IL1RAPL2: variants seen among roughly 807,000 people sequenced by gnomAD.
The protein encoded by IL1RAPL2 is interleukin 1 receptor accessory protein like 2.
In IL1RAPL2, 3 loss-of-function variants were observed where a neutral mutation model predicts 44.1. That is an observed-to-expected ratio of 0.07 (90% confidence interval 0.03 to 0.18). The LOEUF is 0.18. IL1RAPL2 is among the 10% of genes least tolerant of loss of function. IL1RAPL2 has a pLI of 1.00. For missense variants in IL1RAPL2, 391 were observed against 496.4 expected, an observed-to-expected ratio of 0.79 and a Z score of 2.02; for synonymous variants, 181 against 178.8, an observed-to-expected ratio of 1.01 and a Z score of -0.10.
intron 4 of IL1RAPL2, 93 bp downstream of exon 4, chrX:105,234,097 T>C (rs1162570531): frequency 1.5e-6 from 1 of 670,224 alleles, no homozygotes; most frequent in African/African-American, 2.2e-5. Context: ...GTTTTTGGTA[T>C]TAGATATTTC....
At chrX:104,574,436 T>C (rs1293750527) in intron 1 of IL1RAPL2, among the ~76,000 whole-genome samples, 1 of 111,231 alleles carries the variant, frequency 9.0e-6, no homozygotes, top group Admixed American at 9.5e-5. Context: ...TTGGCAAACC[T>C]GTGAGGATAT....
At chrX:105,259,135 G>T (rs923594544) in intron 4 of IL1RAPL2, among the ~76,000 whole-genome samples, 1 of 111,892 alleles carries the variant, frequency 8.9e-6, no homozygotes, top group African/African-American at 3.2e-5. Context: ...GAGGCTTTGT[G>T]CATGGTCTTT....
intron 2 of IL1RAPL2, among the ~76,000 whole-genome samples, chrX:105,115,553 GAC>G (rs1447983135): frequency 8.9e-6 from 1 of 112,168 alleles, no homozygotes; most frequent in African/African-American, 3.2e-5. Context: ...CCCTGAGCTA[GAC>G]ACAGAGTGCT....
intron 2 of IL1RAPL2, among the ~76,000 whole-genome samples, chrX:104,839,548 C>CT (rs1389529866): frequency 1.8e-5 from 2 of 111,589 alleles, no homozygotes; most frequent in Non-Finnish European, 3.8e-5. Context: ...CTGAAATTTT[C>CT]TTTTTTTGTT....
At chrX:104,957,061 C>T (rs753973676) in intron 2 of IL1RAPL2, among the ~76,000 whole-genome samples, 2 of 112,163 alleles carry the variant, frequency 1.8e-5, no homozygotes, top group East Asian at 5.6e-4. Context: ...GTTATAATTT[C>T]CCCTTCTTGC....
chrX:104,964,308 A>ATTTATTTAT (rs2030072800), intron 2 of IL1RAPL2, among the ~76,000 whole-genome samples: 1 of 81,446 alleles, frequency 1.2e-5, no homozygotes, highest in South Asian at 5.4e-4. Context: ...TTATTTATTT[A>ATTTATTTAT]TTTATTTATT....
At chrX:105,231,244 C>T (rs1556195288) in intron 3 of IL1RAPL2, among the ~76,000 whole-genome samples, 1 of 112,041 alleles carries the variant, frequency 8.9e-6, no homozygotes, top group African/African-American at 3.2e-5. Flanking sequence ...CTGCCCCTGC[C>T]GGTCATTCTT....
At chrX:104,862,902 G>C (rs1488961477) in intron 2 of IL1RAPL2, among the ~76,000 whole-genome samples, 1 of 111,231 alleles carries the variant, frequency 9.0e-6, no homozygotes, top group African/African-American at 3.3e-5. Context: ...ATTATTCTAG[G>C]AGCATTGTGG....
intron 5 of IL1RAPL2, among the ~76,000 whole-genome samples, chrX:105,403,390 T>G (rs1357734136): frequency 9.0e-6 from 1 of 111,352 alleles, no homozygotes; most frequent in Non-Finnish European, 1.9e-5. Flanking sequence ...ATTATTTTTT[T>G]TCTAAAGTAT....
chrX:105,236,413 C>T (rs2034120303), intron 4 of IL1RAPL2, among the ~76,000 whole-genome samples: 1 of 112,288 alleles, frequency 8.9e-6, no homozygotes, highest in African/African-American at 3.2e-5. Flanking sequence ...TGTTAGCTAA[C>T]ATTTCCTAAG....
At chrX:104,733,374 C>T (rs1931957615) in intron 2 of IL1RAPL2, among the ~76,000 whole-genome samples, 1 of 110,484 alleles carries the variant, frequency 9.1e-6, no homozygotes, top group Admixed American at 9.7e-5. Context: ...GGCGGATTGC[C>T]TGAGGTTAGG....
chrX:105,686,164 G>A (rs2037971871), intron 6 of IL1RAPL2, among the ~76,000 whole-genome samples: 1 of 110,113 alleles, frequency 9.1e-6, no homozygotes, highest in Non-Finnish European at 1.9e-5. Flanking sequence ...AAAATAACCA[G>A]CAAACATCAT....
At chrX:105,181,850 G>A (rs1253539563) in intron 2 of IL1RAPL2, among the ~76,000 whole-genome samples, 1 of 110,121 alleles carries the variant, frequency 9.1e-6, no homozygotes, top group African/African-American at 3.3e-5. Context: ...GGATCACGAG[G>A]TCAGGAGATG....
intron 2 of IL1RAPL2, among the ~76,000 whole-genome samples, chrX:104,866,603 A>T (rs972419798): frequency 7.1e-5 from 8 of 112,124 alleles, no homozygotes; most frequent in Non-Finnish European, 1.3e-4. Flanking sequence ...GGAAAGCCTA[A>T]AATATTTTCT....
At chrX:105,643,612 G>GA (rs2147840181) in intron 6 of IL1RAPL2, among the ~76,000 whole-genome samples, 1 of 112,197 alleles carries the variant, frequency 8.9e-6, no homozygotes, top group Non-Finnish European at 1.9e-5. Flanking sequence ...GATGGTCCCA[G>GA]AATTTTATCT....
Position 105,267,482 on chromosome X carries a change from CAT to C in IL1RAPL2, c.639_640del (p.Cys214Ter), listed in dbSNP as rs778285823. The C allele has an allele frequency of 8.4e-7, 1 of 1,191,787 alleles. No individual in the cohort carries two copies. Among genetic ancestry groups the C allele is most frequent in the African/African-American group, 1.8e-5 (1 of 56,735 alleles). On this transcript the variant is annotated frameshift_variant, in exon 5 of 11. Transcript: ENST00000372582. LOFTEE classifies it high-confidence loss of function. ...CAAGAAGAAGATGGAGGAAATTACA[CAT>C]GTGAACTTAAATATGAAGGAAAACT...
intron 1 of IL1RAPL2, among the ~76,000 whole-genome samples, chrX:104,640,711 T>C (rs1929916703): frequency 8.9e-6 from 1 of 112,202 alleles, no homozygotes; most frequent in Non-Finnish European, 1.9e-5. Context: ...TTGGCTTTGA[T>C]CTGAGTTCAT....
intron 6 of IL1RAPL2, among the ~76,000 whole-genome samples, chrX:105,595,618 T>C (rs56330621): frequency 2.2e-3 from 243 of 111,534 alleles, no homozygotes; most frequent in African/African-American, 7.6e-3. Flanking sequence ...TGTTTGTTTG[T>C]TTGTTTGTTT....
At chrX:104,579,147 T>C (rs1285744136) in intron 1 of IL1RAPL2, among the ~76,000 whole-genome samples, 1 of 111,781 alleles carries the variant, frequency 8.9e-6, no homozygotes, top group Non-Finnish European at 1.9e-5. Flanking sequence ...ATATGTATTA[T>C]AGAATTATGT....
Sources: allele counts gnomAD v4.1 joint callset (sites outside exome capture counted in the v4.1 genomes callset), GRCh38; gene constraint gnomAD v4.1.1; transcripts MANE v1.5; gene names NCBI Gene and HGNC (gene_info 2026-07-23, HGNC 2026-07-21).